The following L1CAM variants were observed in gnomAD, a reference collection of about 807,000 sequenced individuals.
The protein encoded by L1CAM is neural cell adhesion molecule L1.
A neutral mutation model predicts 93.0 loss-of-function variants in L1CAM; 8 were observed. The ratio of observed to expected loss-of-function variants is 0.09; its 90% CI spans 0.05 to 0.16. L1CAM has a LOEUF of 0.16. Among genes scored for constraint, L1CAM ranks in the 10% least tolerant of loss-of-function variants. L1CAM has a pLI of 1.00. For synonymous variants in L1CAM, 453 were observed against 453.0 expected (o/e 1.00, Z 0.00); for missense variants, 777 against 1,073.4 (o/e 0.72, Z 3.86).
intron 1 of L1CAM, among the ~76,000 whole-genome samples, chrX:153,883,286 AG>A (rs1231737866): frequency 9.0e-6 from 1 of 110,789 alleles, no homozygotes; most frequent in South Asian, 3.8e-4. Flanking sequence ...GGAAGAGGGA[AG>A]GGAGGGCCAG....
intron 1 of L1CAM, among the ~76,000 whole-genome samples, chrX:153,882,896 A>G (rs1240426544): frequency 8.9e-6 from 1 of 112,350 alleles, no homozygotes; most frequent in Non-Finnish European, 1.9e-5. Flanking sequence ...AAAAGCTTCT[A>G]GAAAGAACAG....
chrX:153,882,348 C>T (rs2064849742), intron 1 of L1CAM, among the ~76,000 whole-genome samples: 1 of 111,027 alleles, frequency 9.0e-6, no homozygotes, highest in Admixed American at 9.5e-5. Flanking sequence ...CCCCATCCAG[C>T]CACTGCAGCA....
At chrX:153,886,041 C>A in intron 1 of L1CAM, 24 bp downstream of exon 1, 1 of 431,746 alleles carries the variant, frequency 2.3e-6, no homozygotes, top group African/African-American at 2.7e-5. Flanking sequence ...GCCCGGGTCG[C>A]ACGGGGAGGC....
intron 28 of L1CAM, 127 bp downstream of exon 28, chrX:153,863,241 C>T (rs1232553741): frequency 2.4e-5 from 18 of 736,407 alleles, no homozygotes; most frequent in Admixed American, 2.4e-4. Flanking sequence ...GAGGAGCTGC[C>T]GGGCCTGGGG....
At chrX:153,869,755 C>A in intron 10 of L1CAM, 48 bp downstream of exon 10, 1 of 1,207,029 alleles carries the variant, frequency 8.3e-7, no homozygotes. Flanking sequence ...TCCCCCACAG[C>A]CCCCAGGGCT....
Position 153,866,751 on chromosome X carries a change from T to G in L1CAM, c.2329A>C (p.Asn777His). 1 of 1,211,371 alleles carries G rather than the reference T, an allele frequency of 8.3e-7. No homozygotes were observed. The highest frequency in any genetic ancestry group is 1.1e-6 in the Non-Finnish European group (1 of 895,112). The change falls in exon 19 of 29, where the codon AAC becomes CAC. Residue 777 changes from asparagine to histidine, a missense_variant. By Grantham distance (68) the Asn-to-His change is moderately conservative. Transcript: ENST00000370060. ...TCATAGGGCACGAAGGTGGACGTGT[T>G]GGACACCACCAGGAAGGGGTCGCTG... ...IVSDPFLVVSNTSTFVPYEIK... is the reference protein window; with the variant it reads ...IVSDPFLVVSHTSTFVPYEIK...
At chrX:153,871,679 A>C (rs1557093169) in intron 5 of L1CAM, among the ~76,000 whole-genome samples, 1 of 111,360 alleles carries the variant, frequency 9.0e-6, no homozygotes, top group African/African-American at 3.3e-5. Flanking sequence ...GGAAAAGGCG[A>C]CACAGATCAA....
At chrX:153,876,321 TG>T in intron 1 of L1CAM, 1 of 246,434 alleles carries the variant, frequency 4.1e-6, no homozygotes. Flanking sequence ...GTTGTGGATC[TG>T]CAAGCAGGGA....
rs201081454 is a variant in L1CAM, at chrX:153,866,848, G to A, written c.2232C>T (p.Asn744=). ...GCACGCGGTACTGAACCTGGGGGGCGTTCCAGTCCATCCACCGGAGCGGCT... is the reference window on the plus strand; with the variant it reads ...GCACGCGGTACTGAACCTGGGGGGCATTCCAGTCCATCCACCGGAGCGGCT... ...TWKPLRWMDW[N]APQVQYRVQW... is the part of the protein sequence containing the mutation. The change falls in exon 19 of 29, where the codon AAC becomes AAT. Residue 744 remains asparagine, a synonymous_variant. Transcript: ENST00000370060. The A allele has an allele frequency of 1.6e-4, 191 of 1,208,996 alleles. 1 individual carries two copies. Among genetic ancestry groups the A allele is most frequent in the Middle Eastern group, 7.1e-4 (3 of 4,249 alleles).
At chrX:153,864,775 C>T (rs1557090192) in intron 23 of L1CAM, 46 bp downstream of exon 23, 13 of 1,210,418 alleles carry the variant, frequency 1.1e-5, no homozygotes, top group African/African-American at 1.7e-5. Flanking sequence ...CTCCTGGACC[C>T]GGCTGGCCGG....
intron 28 of L1CAM, 71 bp downstream of exon 28, chrX:153,863,297 A>G: frequency 8.9e-7 from 1 of 1,124,209 alleles, no homozygotes; most frequent in Non-Finnish European, 1.2e-6. Flanking sequence ...CCAGGGGACA[A>G]TGGCACACCA....
Position 153,885,497 on chromosome X carries a change from C to G in L1CAM, c.-109+568G>C, listed in dbSNP as rs782495622. 19 of 805,883 alleles carry G rather than the reference C, an allele frequency of 2.4e-5. No individual in the cohort carries two copies. The East Asian group carries it at 5.7e-4, about 24-fold the overall frequency. 66.4% of individuals were successfully genotyped at this position (805,883 alleles called of 1,213,427 possible). On this transcript the variant is annotated intron_variant, in intron 1 of 28. Transcript: ENST00000370060. ...GAAGAAGGAGGAGAACAAAGCCCCC[C>G]CAACCTTGGGGCGGAGGGGCAGGCA...
intron 1 of L1CAM, chrX:153,884,069 C>T (rs1474905140): frequency 2.0e-6 from 1 of 504,565 alleles, no homozygotes. Context: ...AGGCCAGGCC[C>T]TTCCTCACTC....
intron 17 of L1CAM, 98 bp from the exon 18 acceptor site, chrX:153,867,222 G>A (rs924394787): frequency 3.1e-6 from 3 of 981,623 alleles, no homozygotes; most frequent in African/African-American, 3.8e-5. Flanking sequence ...TGGCACCAAG[G>A]GAGTCCAGCC....
chrX:153,862,918 G>T (rs781923954), intron 28 of L1CAM, 24 bp from the exon 29 acceptor site: 1 of 1,140,222 alleles, frequency 8.8e-7, no homozygotes, highest in African/African-American at 1.8e-5. Flanking sequence ...GGGCAGGTGC[G>T]AGTGAGAGCA....
intron 11 of L1CAM, 37 bp downstream of exon 11, chrX:153,869,483 A>T (rs377692336): frequency 1.5e-5 from 18 of 1,205,213 alleles, no homozygotes; most frequent in Non-Finnish European, 2.0e-5. Context: ...GCAGGGACAG[A>T]CTGGGAGTTA....
At chrX:153,867,327 G>T in intron 17 of L1CAM, 29 bp downstream of exon 17, 2 of 1,169,117 alleles carry the variant, frequency 1.7e-6, no homozygotes, top group South Asian at 1.8e-5. Context: ...CTTCCAGGTG[G>T]CATGGGAGTG....
At chrX:153,873,145 G>C in intron 3 of L1CAM, 83 bp downstream of exon 3, 1 of 966,255 alleles carries the variant, frequency 1.0e-6, no homozygotes. Context: ...CACTCAGGAG[G>C]GCGGGGGTGC....
chrX:153,865,534 G>A (rs1287917835), intron 20 of L1CAM, 34 bp from the exon 21 acceptor site: 1 of 1,164,217 alleles, frequency 8.6e-7, no homozygotes, highest in Non-Finnish European at 1.2e-6. Context: ...CGCAGGGGCA[G>A]AAGGCACCCA....
Sources: gnomAD v4.1 joint callset for allele counts (sites outside exome capture counted in the v4.1 genomes callset) on GRCh38, gnomAD v4.1.1 for gene constraint, MANE v1.5 for transcripts, NCBI Gene and HGNC (gene_info 2026-07-23, HGNC 2026-07-21) for gene names.